The following ZSCAN4 variants were observed in gnomAD, a reference collection of about 807,000 sequenced individuals.
The protein encoded by ZSCAN4 is zinc finger and SCAN domain-containing protein 4.
In ZSCAN4, 18 loss-of-function variants were observed where a neutral mutation model predicts 18.3. That is an observed-to-expected ratio of 0.98 (90% CI 0.68 to 1.46). ZSCAN4 has a LOEUF of 1.46. ZSCAN4 is among the 40% of genes most tolerant of loss of function. The pLI is 0.00. For synonymous variants in ZSCAN4, 193 were observed against 180.3 expected, an observed-to-expected ratio of 1.07 and a Z score of -0.57; for missense variants, 498 against 511.4, an observed-to-expected ratio of 0.97 and a Z score of 0.25.
At chr19:57,651,842 A>G in the ZSCAN4 span, among the ~76,000 whole-genome samples, 3 of 152,088 alleles carry the variant, frequency 2.0e-5, no homozygotes, top group Non-Finnish European at 2.9e-5. Context: ...GATCACTCCA[A>G]TTACTGGACA....
exon 5 of ZSCAN4, chr19:57,678,762 G>A (rs11668570): frequency 0.029 from 46,122 of 1,614,080 alleles, 781 homozygotes; most frequent in Non-Finnish European, 0.032. Flanking sequence ...GCGGTCTCAT[G>A]AGAGAATCCA....
chr19:57,676,155 G>C, exon 3 of ZSCAN4: 2 of 1,608,430 alleles, frequency 1.2e-6, no homozygotes, highest in Non-Finnish European at 1.7e-6. Flanking sequence ...AATGGCTTTA[G>C]ATCTAAGAAC....
At chr19:57,655,369 A>T in the ZSCAN4 span, among the ~76,000 whole-genome samples, 1 of 152,084 alleles carries the variant, frequency 6.6e-6, no homozygotes, top group Non-Finnish European at 1.5e-5. Context: ...AACCCCAACA[A>T]GCCCTTTACT....
intron 2 of ZSCAN4, among the ~76,000 whole-genome samples, chr19:57,672,497 T>C (rs1350418572): frequency 1.3e-5 from 2 of 152,214 alleles, no homozygotes; most frequent in African/African-American, 4.8e-5. Flanking sequence ...AGATTGTATA[T>C]ATTTAAGGTG....
chr19:57,675,752 C>T (rs925470393), intron 2 of ZSCAN4, among the ~76,000 whole-genome samples: 1 of 152,152 alleles, frequency 6.6e-6, no homozygotes, highest in Non-Finnish European at 1.5e-5. Context: ...AAACTTCCTG[C>T]ATTTTGGAAA....
chr19:57,657,262 C>T, the ZSCAN4 span, among the ~76,000 whole-genome samples: 1 of 150,110 alleles, frequency 6.7e-6, no homozygotes, highest in South Asian at 2.1e-4. Context: ...GTCTGCCCTC[C>T]GTCTGTCTGC....
At chr19:57,676,191 A>C (rs756869659) in exon 3 of ZSCAN4, 1 of 1,614,090 alleles carries the variant, frequency 6.2e-7, no homozygotes, top group Non-Finnish European at 8.5e-7. Flanking sequence ...ACCATCCGAG[A>C]ATAATCTTGG....
At chr19:57,666,250 G>A (rs1983845731), upstream of ZSCAN4, among the ~76,000 whole-genome samples, 2 of 152,132 alleles carry the variant, frequency 1.3e-5, 1 homozygote, top group Admixed American at 1.3e-4. Context: ...GAATTTCCAC[G>A]GGGTGATCCA....
intron 3 of ZSCAN4, among the ~76,000 whole-genome samples, chr19:57,677,587 A>G (rs1235739429): frequency 1.3e-5 from 2 of 152,208 alleles, no homozygotes; most frequent in Non-Finnish European, 2.9e-5. Flanking sequence ...TATATATTAA[A>G]TGGGGTGTCT....
intron 3 of ZSCAN4, among the ~76,000 whole-genome samples, chr19:57,676,915 A>G (rs974665488): frequency 2.0e-5 from 3 of 152,138 alleles, no homozygotes; most frequent in Non-Finnish European, 2.9e-5. Flanking sequence ...AGTAGCTGGG[A>G]TTACAGGCGT....
At chr19:57,652,940 G>A in the ZSCAN4 span, among the ~76,000 whole-genome samples, 5 of 152,008 alleles carry the variant, frequency 3.3e-5, no homozygotes, top group African/African-American at 4.8e-5. Flanking sequence ...TGAGGACAGG[G>A]GACATGTCTG....
chr19:57,678,145 A>G (rs1600011007), intron 4 of ZSCAN4, 21 bp from the exon 5 acceptor site: 13 of 1,606,998 alleles, frequency 8.1e-6, no homozygotes, highest in Non-Finnish European at 1.1e-5. Context: ...GTACAACTTC[A>G]TTGAGTGTCT....
the ZSCAN4 span, among the ~76,000 whole-genome samples, chr19:57,663,411 G>T: frequency 2.0e-5 from 3 of 149,888 alleles, no homozygotes; most frequent in Non-Finnish European, 4.4e-5. Context: ...TAGGCTGGGG[G>T]CGAGTGGCTC....
At chr19:57,671,196 T>C (rs1305563178) in intron 2 of ZSCAN4, among the ~76,000 whole-genome samples, 1 of 152,220 alleles carries the variant, frequency 6.6e-6, no homozygotes, top group Non-Finnish European at 1.5e-5. Context: ...ATATGAAATA[T>C]GTAGCTGGGT....
At chr19:57,655,650 C>A in the ZSCAN4 span, among the ~76,000 whole-genome samples, 1 of 152,120 alleles carries the variant, frequency 6.6e-6, no homozygotes, top group African/African-American at 2.4e-5. Flanking sequence ...ATCTTACTTA[C>A]AACAAACACA....
At chr19:57,655,515 T>C in the ZSCAN4 span, among the ~76,000 whole-genome samples, 1 of 152,194 alleles carries the variant, frequency 6.6e-6, no homozygotes, top group Non-Finnish European at 1.5e-5. Context: ...TTTAAGGATC[T>C]TATGTGTGTC....
the ZSCAN4 span, among the ~76,000 whole-genome samples, chr19:57,655,770 T>C: frequency 6.6e-6 from 1 of 152,058 alleles, no homozygotes; most frequent in African/African-American, 2.4e-5. Flanking sequence ...TCACTCCTGC[T>C]TGGACTTTTT....
At chr19:57,666,500 T>C (rs73064579), upstream of ZSCAN4, among the ~76,000 whole-genome samples, 25,558 of 151,758 alleles carry the variant, frequency 0.17, 2,226 homozygotes, top group East Asian at 0.25. Context: ...GTTCCTTTTT[T>C]GAAGTTGTTA....
upstream of ZSCAN4, chr19:57,665,011 G>T: frequency 1.2e-5 from 2 of 166,956 alleles, no homozygotes; most frequent in South Asian, 3.2e-4. Flanking sequence ...GCTATTCCAT[G>T]ACTGACCAGG....
Sources: gnomAD v4.1 joint callset for allele counts (sites outside exome capture counted in the v4.1 genomes callset) on GRCh38, gnomAD v4.1.1 for gene constraint, MANE v1.5 for transcripts, NCBI Gene and HGNC (gene_info 2026-07-23, HGNC 2026-07-21) for gene names.